Variants in CCDC171 observed in about 807,000 individuals in gnomAD.
CCDC171 encodes coiled-coil domain containing 171, also known as coiled-coil domain-containing protein 171.
A neutral mutation model predicts 168.2 loss-of-function variants in CCDC171; 177 were observed. That is an observed-to-expected ratio of 1.05 (90% CI 0.93 to 1.19). The LOEUF (loss-of-function observed/expected upper bound fraction) is 1.19. Among genes scored for constraint, CCDC171 ranks in the 50% most tolerant of loss-of-function variants. CCDC171 has a pLI of 0.00. For synonymous variants in CCDC171, 687 were observed against 540.8 expected (o/e 1.27, Z -3.75); for missense variants, 1,991 against 1,539.0 (o/e 1.29, Z -4.91).
At chr9:16,027,845 A>G (rs1288019845) in intron 6 of CCDC171, among the ~76,000 whole-genome samples, 2 of 152,224 alleles carry the variant, frequency 1.3e-5, no homozygotes, top group African/African-American at 4.8e-5. Flanking sequence ...GTTGATATTA[A>G]TGCCACACAT....
chr9:16,056,156 G>A (rs1833836625), intron 1 of CCDC171, among the ~76,000 whole-genome samples: 1 of 152,172 alleles, frequency 6.6e-6, no homozygotes, highest in African/African-American at 2.4e-5. Flanking sequence ...TATTAATAGT[G>A]GTTTTCATTG....
the CCDC171 span, among the ~76,000 whole-genome samples, chr9:16,083,944 A>T: frequency 2.0e-5 from 3 of 152,154 alleles, no homozygotes; most frequent in African/African-American, 7.2e-5. Context: ...TGTTTGCAGG[A>T]ACTGTATTTG....
chr9:15,582,594 A>G (rs145882318), intron 4 of CCDC171, among the ~76,000 whole-genome samples: 7 of 152,322 alleles, frequency 4.6e-5, no homozygotes, highest in African/African-American at 1.2e-4. Context: ...ATGGAATACT[A>G]TGCAGCCATA....
At chr9:15,752,906 G>C (rs538538494) in intron 18 of CCDC171, among the ~76,000 whole-genome samples, 1 of 151,960 alleles carries the variant, frequency 6.6e-6, no homozygotes, top group South Asian at 2.1e-4. Flanking sequence ...AAAAGAAAAA[G>C]GTGATTTATG....
chr9:15,611,608 A>C (rs1587403835), intron 6 of CCDC171, among the ~76,000 whole-genome samples: 1 of 152,018 alleles, frequency 6.6e-6, no homozygotes, highest in South Asian at 2.1e-4. Flanking sequence ...CCTTATTTTT[A>C]ATAAGGTGTC....
intron 24 of CCDC171, among the ~76,000 whole-genome samples, chr9:15,897,270 C>T (rs543092598): frequency 5.7e-4 from 76 of 132,778 alleles, no homozygotes; most frequent in Non-Finnish European, 1.1e-3. Context: ...TCGAGTATAC[C>T]AGAAGTTGTT....
chr9:15,666,473 C>G (rs1270386988), intron 9 of CCDC171, 150 bp downstream of exon 9: 1 of 565,506 alleles, frequency 1.8e-6, no homozygotes, highest in Non-Finnish European at 3.1e-6. Flanking sequence ...CATAACTATA[C>G]TTTCCTGTAT....
At chr9:15,558,390 T>A (rs2038988188) in intron 1 of CCDC171, among the ~76,000 whole-genome samples, 2 of 151,598 alleles carry the variant, frequency 1.3e-5, no homozygotes, top group Non-Finnish European at 3.0e-5. Flanking sequence ...GTTGGTAGGC[T>A]ATTATTGCCT....
At chr9:15,902,301 A>C (rs886919567) in intron 24 of CCDC171, among the ~76,000 whole-genome samples, 3 of 151,154 alleles carry the variant, frequency 2.0e-5, no homozygotes, top group Non-Finnish European at 3.0e-5. Context: ...CACACACATA[A>C]AAATTTCAGA....
chr9:15,670,539 T>C (rs925121869), intron 9 of CCDC171, among the ~76,000 whole-genome samples: 1 of 152,148 alleles, frequency 6.6e-6, no homozygotes, highest in African/African-American at 2.4e-5. Flanking sequence ...ATAACAGGCA[T>C]AGTATGCCAT....
In CCDC171 at chr9:15,560,460, T is replaced by G. The variant is rs185048975; in HGVS notation, c.-111-3518T>G. Reference sequence around the variant, plus strand: ...CTTTTTTCTCTAAATTTCTCTTCTCTTTTCATTTCATTCATTTGTTCTTCA... The same window carrying G: ...CTTTTTTCTCTAAATTTCTCTTCTCGTTTCATTTCATTCATTTGTTCTTCA... On this transcript the variant is annotated intron_variant, in intron 1 of 25. Coordinates refer to ENST00000380701, the MANE Select transcript of CCDC171 (RefSeq NM_173550.4). 6.3e-3 allele frequency among the ~76,000 whole-genome samples: 955 copies of G among 152,244 alleles called. 8 individuals are homozygous for G. Among genetic ancestry groups the G allele is most frequent in the African/African-American group, 0.022 (929 of 41,558 alleles).
At chr9:15,948,025 T>A (rs1425396093) in intron 25 of CCDC171, among the ~76,000 whole-genome samples, 6 of 150,516 alleles carry the variant, frequency 4.0e-5, no homozygotes, top group Non-Finnish European at 8.9e-5. Context: ...CCTTCCTGTG[T>A]CCATGTGTTC....
intron 7 of CCDC171, among the ~76,000 whole-genome samples, chr9:15,646,184 G>C (rs2047019798): frequency 6.6e-6 from 1 of 152,152 alleles, no homozygotes; most frequent in Admixed American, 6.5e-5. Context: ...ATCCTTTACA[G>C]ACAAGCAAAT....
At chr9:15,677,151 C>A (rs1185934689) in intron 9 of CCDC171, among the ~76,000 whole-genome samples, 1 of 152,018 alleles carries the variant, frequency 6.6e-6, no homozygotes, top group East Asian at 1.9e-4. Flanking sequence ...TTATTCTTTG[C>A]ACCTTATTCA....
chr9:15,758,002 C>G (rs959103662), intron 18 of CCDC171, among the ~76,000 whole-genome samples: 6 of 152,178 alleles, frequency 3.9e-5, no homozygotes, highest in Non-Finnish European at 7.4e-5. Flanking sequence ...TAGAGAACCT[C>G]TGCTAGGGTG....
intron 24 of CCDC171, among the ~76,000 whole-genome samples, chr9:15,899,012 G>A (rs1451180000): frequency 6.6e-6 from 1 of 152,062 alleles, no homozygotes; most frequent in Non-Finnish European, 1.5e-5. Context: ...CCACTAAATA[G>A]TTTCCATTTC....
At chr9:15,703,271 A>T (rs377030053) in intron 11 of CCDC171, among the ~76,000 whole-genome samples, 126 of 152,308 alleles carry the variant, frequency 8.3e-4, no homozygotes, top group African/African-American at 2.7e-3. Flanking sequence ...TGCGCAGACC[A>T]TTACAACATT....
At chr9:15,889,013 C>G (rs1034236412) in intron 24 of CCDC171, 1 of 121,462 alleles carries the variant, frequency 8.2e-6, no homozygotes, top group African/African-American at 3.1e-5. Flanking sequence ...GACTGGAGTG[C>G]AGCAGTGCGA....
At chr9:15,986,463 C>T (rs1004855617) in intron 3 of CCDC171, among the ~76,000 whole-genome samples, 2 of 152,186 alleles carry the variant, frequency 1.3e-5, no homozygotes, top group African/African-American at 4.8e-5. Context: ...ACTAATGCAG[C>T]GGGTGTAACA....
Sources: allele counts gnomAD v4.1 joint callset (sites outside exome capture counted in the v4.1 genomes callset), GRCh38; gene constraint gnomAD v4.1.1; transcripts MANE v1.5; gene names NCBI Gene and HGNC (gene_info 2026-07-23, HGNC 2026-07-21).